ZKSCAN3: variants seen among roughly 807,000 people sequenced by gnomAD.
The protein encoded by ZKSCAN3 is zinc finger with KRAB and SCAN domains 3.
Under a neutral mutation model 30.7 loss-of-function variants are expected in ZKSCAN3, and 21 were observed. The observed-to-expected ratio is 0.68, with a 90% CI of 0.49 to 0.99. The LOEUF (loss-of-function observed/expected upper bound fraction) is 0.99, where lower values mean the gene tolerates loss of function less well. Among genes scored for constraint, ZKSCAN3 ranks in the 50% least tolerant of loss-of-function variants. The pLI is 0.00. For missense variants in ZKSCAN3, 507 were observed against 647.1 expected (o/e 0.78, Z 2.35); for synonymous variants, 201 against 246.7 (o/e 0.81, Z 1.73).
chr6:28,357,877 C>T (rs1765530809), intron 1 of ZKSCAN3, among the ~76,000 whole-genome samples: 1 of 152,212 alleles, frequency 6.6e-6, no homozygotes, highest in Non-Finnish European at 1.5e-5. Context: ...ATCCTTCTTT[C>T]AGCTGAATTT....
Position 28,365,491 on chromosome 6 carries a change from G to A in ZKSCAN3, c.823G>A (p.Gly275Arg). Residue 275 changes from glycine (G) to arginine (R), a missense_variant, in exon 6 of 6, where the codon GGG (glycine) becomes AGG (arginine). Gly to Arg is a moderately radical substitution (Grantham distance 125). Transcript: ENST00000252211. ...TGAGGAGCTTCCAGAAAAGGAGCAT[G>A]GGAAGATATCGTGCCACCTGAGAGA... ...PAEELPEKEH[G>R]KISCHLREDI... 1.2e-6 allele frequency: 2 copies of A among 1,614,200 alleles called. No individual in the cohort carries two copies. The highest frequency in any genetic ancestry group is 1.7e-6 in the Non-Finnish European group (2 of 1,180,030).
At chr6:28,358,099 G>T (rs965364743) in intron 1 of ZKSCAN3, among the ~76,000 whole-genome samples, 4 of 152,154 alleles carry the variant, frequency 2.6e-5, no homozygotes, top group African/African-American at 9.7e-5. Flanking sequence ...TTCATTCCGG[G>T]ATCCCCAATG....
rs765353601 is a variant in ZKSCAN3 at position 28,365,615 on chromosome 6, G to C, written c.947G>C (p.Cys316Ser). The C allele has an allele frequency of 6.2e-7, 1 of 1,614,268 alleles. No individual in the cohort carries two copies. The highest frequency in any genetic ancestry group is 8.5e-7 in the Non-Finnish European group (1 of 1,180,060). ...GCCACAGGAGGGAGGCGGCACATCT[G>C]CCATGAATGTGGAAAGAGTTTTGCT... ...KNATGGRRHI[C>S]HECGKSFAQS... The change falls in exon 6 of 6, where the codon TGC becomes TCC. Residue 316 changes from cysteine (C) to serine (S), a missense_variant. Transcript: ENST00000252211.
chr6:28,359,726 A>G lies in ZKSCAN3; in HGVS notation c.140A>G (p.Glu47Gly). The change falls in exon 2 of 6, where the codon GAG (glutamate) becomes GGG (glycine). Residue 47 changes from glutamate (E) to glycine (G), a missense_variant. Physicochemically the swap from Glu to Gly is moderately conservative, Grantham distance 98 (BLOSUM62 -2). Transcript: ENST00000252211. Reference sequence around the variant, plus strand: ...GATCTGGGTTCTGAGGGCTCCCGCGAGCGCTTCCGAGGCTTCCGCTACCCG... The same window carrying G: ...GATCTGGGTTCTGAGGGCTCCCGCGGGCGCTTCCGAGGCTTCCGCTACCCG... The part of the protein sequence containing the change: ...SPDLGSEGSR[E>G]RFRGFRYPEA... 1 of 1,614,122 alleles carries G rather than the reference A, an allele frequency of 6.2e-7. No homozygotes were observed.
At position 28,365,870 on chromosome 6, in the gene ZKSCAN3, A is replaced by G. The variant is rs1019852969; in HGVS notation, c.1202A>G (p.Asp401Gly). 1 of 1,613,536 alleles carries G rather than the reference A, an allele frequency of 6.2e-7. No homozygotes were observed. Among genetic ancestry groups the G allele is most frequent in the African/African-American group, 1.3e-5 (1 of 74,930 alleles). Reference sequence around the variant, plus strand: ...ACTGGGGAGAAGCCCTATGAGTGTGATGACTGTGGGAAGACCTTCAGCCAG... The same window carrying G: ...ACTGGGGAGAAGCCCTATGAGTGTGGTGACTGTGGGAAGACCTTCAGCCAG... ...THTGEKPYEC[D>G]DCGKTFSQSC... The change falls in exon 6 of 6, where the codon GAT becomes GGT. Residue 401 changes from aspartate (D) to glycine (G), a missense_variant. Physicochemically the swap from Asp to Gly is moderately conservative, Grantham distance 94. Transcript: ENST00000252211.
At chr6:28,352,551 A>G (rs1239073091) in intron 1 of ZKSCAN3, among the ~76,000 whole-genome samples, 2 of 152,154 alleles carry the variant, frequency 1.3e-5, no homozygotes, top group Non-Finnish European at 2.9e-5. Flanking sequence ...ACCCAGGCTG[A>G]TTGATCTTGA....
chr6:28,366,269 A>G lies in ZKSCAN3; in HGVS notation c.1601A>G (p.Asn534Ser), dbSNP rs929084390. 2 of 1,531,590 alleles carry G rather than the reference A, an allele frequency of 1.3e-6. No homozygotes were observed. Among genetic ancestry groups the G allele is most frequent in the Non-Finnish European group, 1.7e-6 (2 of 1,145,144 alleles). 94.9% of individuals were successfully genotyped at this position (1,531,590 alleles called of 1,614,324 possible). A position where few individuals can be genotyped will look rare whatever the true frequency, so the allele number is the denominator to read the frequency against. Residue 534 changes from asparagine to serine, a missense_variant, in exon 6 of 6, where the codon AAC becomes AGC. Coordinates refer to ENST00000252211, the MANE Select transcript of ZKSCAN3 (RefSeq NM_024493.4). ...CATCAGAGAAGCCATGTAGGGAAAA[A>G]CATCCTATCACAGTGACCCATGCCA... ...VQHQRSHVGK[N>S]ILSQ
At chr6:28,360,720 C>T in intron 2 of ZKSCAN3, 1 of 985,442 alleles carries the variant, frequency 1.0e-6, no homozygotes, top group Non-Finnish European at 1.2e-6. Context: ...GGGTCTGTTG[C>T]ACCCAAGGCC....
rs984925528 is a variant in ZKSCAN3 at position 28,366,274 on chromosome 6, C to T, written c.1606C>T (p.Leu536=). The part of the protein sequence containing the change: ...HQRSHVGKNI[L]SQ ...GAGAAGCCATGTAGGGAAAAACATC[C>T]TATCACAGTGACCCATGCCATACAT... is the stretch of plus-strand genomic sequence containing the variant. The change falls in exon 6 of 6, where the codon CTA becomes TTA. Residue 536 remains leucine (L), a synonymous_variant. Transcript: ENST00000252211. 2 of 1,529,108 alleles carry T rather than the reference C, an allele frequency of 1.3e-6. No individual in the cohort carries two copies. The highest frequency in any genetic ancestry group is 2.9e-5 in the African/African-American group (2 of 69,926). The allele number at this position is 1,529,108 out of a possible 1,614,324, so 94.7% of individuals were successfully genotyped here.
Position 28,366,276 on chromosome 6 carries a change from A to G in ZKSCAN3, c.1608A>G (p.Leu536=), listed in dbSNP as rs903258037. 5.2e-6 allele frequency: 8 copies of G among 1,527,982 alleles called. No homozygotes were observed. Among genetic ancestry groups the G allele is most frequent in the Non-Finnish European group, 7.0e-6 (8 of 1,144,124 alleles). The allele number at this position is 1,527,982 out of a possible 1,614,324, so 94.7% of individuals were successfully genotyped here. The change falls in exon 6 of 6, where the codon CTA becomes CTG. Residue 536 remains leucine, a synonymous_variant. Transcript: ENST00000252211. The part of the protein sequence containing the change: ...HQRSHVGKNI[L]SQ ...GAAGCCATGTAGGGAAAAACATCCTATCACAGTGACCCATGCCATACATGC... is the reference window on the plus strand; with the variant it reads ...GAAGCCATGTAGGGAAAAACATCCTGTCACAGTGACCCATGCCATACATGC...
At chr6:28,356,161 T>C (rs213237) in intron 1 of ZKSCAN3, 72,272 of 152,172 alleles carry the variant, frequency 0.47, 18,700 homozygotes, top group African/African-American at 0.68. Context: ...CCCCCAAGCC[T>C]GGCACCTGGG....
At position 28,357,569 on chromosome 6, in the gene ZKSCAN3, G is replaced by C. The variant is rs368320578; in HGVS notation, c.-62-1956G>C. Among the ~76,000 whole-genome samples, 5 of 152,330 alleles carry C rather than the reference G, an allele frequency of 3.3e-5. No individual in the cohort carries two copies. In the East Asian group the frequency reaches 5.8e-4, roughly 18 times the overall value. On this transcript the variant is annotated intron_variant, in intron 1 of 5. Coordinates refer to ENST00000252211, the MANE Select transcript of ZKSCAN3 (RefSeq NM_024493.4). ...GAAGAGGCCATGGAAAATGGGAATT[G>C]AGGGAAGCACCTTTGGTTCCTTCTG...
In ZKSCAN3 at chr6:28,363,576, T is replaced by G; in HGVS notation, c.634-116T>G. 6 of 1,527,928 alleles carry G rather than the reference T, an allele frequency of 3.9e-6. No individual in the cohort carries two copies. In the South Asian group the frequency reaches 6.2e-5, roughly 16 times the overall value. The allele number at this position is 1,527,928 out of a possible 1,614,324, so 94.6% of individuals were successfully genotyped here. A position where few individuals can be genotyped will look rare whatever the true frequency, so the allele number is the denominator to read the frequency against. The stretch of plus-strand genomic sequence containing the variant: ...TTATTTAGGTGCCCACTTAAGAGGC[T>G]TTTCCTGTTTATTACTAGCTGTTGG... On this transcript the variant is annotated intron_variant, in intron 4 of 5. Coordinates refer to ENST00000252211, the MANE Select transcript of ZKSCAN3 (RefSeq NM_024493.4).
intron 1 of ZKSCAN3, among the ~76,000 whole-genome samples, chr6:28,357,189 C>T (rs1395281617): frequency 6.6e-6 from 1 of 152,254 alleles, no homozygotes; most frequent in African/African-American, 2.4e-5. Flanking sequence ...CCTGCTGAGT[C>T]ATGCAGGATG....
rs1766061250 is a variant in ZKSCAN3 at position 28,368,476 on chromosome 6, C to T, written c.*2191C>T. The T allele has an allele frequency of 6.6e-6, 1 of 150,994 alleles. No individual in the cohort carries two copies. The highest frequency in any genetic ancestry group is 1.5e-5 in the Non-Finnish European group (1 of 67,752). 9.4% of individuals were successfully genotyped at this position (150,994 alleles called of 1,614,324 possible). On this transcript the variant is annotated 3_prime_UTR_variant, in exon 6 of 6. Coordinates refer to ENST00000252211, the MANE Select transcript of ZKSCAN3 (RefSeq NM_024493.4). ...CTGTGTAGACCATCTTTTTTTTTTC[C>T]CATCATGATAGTCAAAATTTTAGTC...
Position 28,351,815 on chromosome 6 carries a change from A to G in ZKSCAN3, c.-63+1748A>G, listed in dbSNP as rs545953000. ...ATTTTATAGCAAATTGCAGATGGAA[A>G]CATTTTAGTTCACTCACAAGTACAA... is the stretch of plus-strand genomic sequence containing the variant. On this transcript the variant is annotated intron_variant, in intron 1 of 5. Coordinates refer to ENST00000252211, the MANE Select transcript of ZKSCAN3 (RefSeq NM_024493.4). This position sits in a 1 kb window ranked among gnomAD's most constrained non-coding sequence, Gnocchi z 4.6. Among the ~76,000 whole-genome samples, 1 of 152,050 alleles carries G rather than the reference A, an allele frequency of 6.6e-6. No individual in the cohort carries two copies. The highest frequency in any genetic ancestry group is 1.5e-5 in the Non-Finnish European group (1 of 68,006).
At chr6:28,360,086 T>C in intron 2 of ZKSCAN3, 98 bp downstream of exon 2, 2 of 1,596,496 alleles carry the variant, frequency 1.3e-6, no homozygotes, top group Non-Finnish European at 1.7e-6. Context: ...CAGGAGTTCT[T>C]CATCTCTTTT....
chr6:28,362,075 A>G (rs546416140), intron 3 of ZKSCAN3, among the ~76,000 whole-genome samples: 20 of 152,306 alleles, frequency 1.3e-4, no homozygotes, highest in Admixed American at 4.6e-4. Flanking sequence ...TGCTGGGATT[A>G]TAGGTGTAAG....
chr6:28,353,575 G>A (rs953276779), intron 1 of ZKSCAN3: 7 of 262,124 alleles, frequency 2.7e-5, no homozygotes, highest in African/African-American at 1.5e-4. Context: ...TACTGAGGAA[G>A]GAGTAGATTA....
Sources: allele counts gnomAD v4.1 joint callset (sites outside exome capture counted in the v4.1 genomes callset), GRCh38; gene constraint gnomAD v4.1.1; non-coding constraint Gnocchi (gnomAD v3.1); transcripts MANE v1.5; gene names NCBI Gene and HGNC (gene_info 2026-07-23, HGNC 2026-07-21).